ADAMTS20: variants seen among roughly 807,000 people sequenced by gnomAD.
ADAMTS20 encodes A disintegrin and metalloproteinase with thrombospondin motifs 20.
Under a neutral mutation model 260.1 loss-of-function variants are expected in ADAMTS20, and 225 were observed. That is an observed-to-expected ratio of 0.87 (90% CI 0.78 to 0.97). The LOEUF (loss-of-function observed/expected upper bound fraction) is 0.97. ADAMTS20 is among the 50% of genes least tolerant of loss of function. ADAMTS20 has a pLI of 0.00. For missense variants in ADAMTS20, 2,400 were observed against 2,337.7 expected (o/e 1.03, Z -0.55); for synonymous variants, 802 against 769.5 (o/e 1.04, Z -0.70).
intron 2 of ADAMTS20, among the ~76,000 whole-genome samples, chr12:43,534,763 A>C (rs1943271140): frequency 1.3e-5 from 2 of 152,216 alleles, no homozygotes; most frequent in African/African-American, 2.4e-5. Context: ...CTATTGCATA[A>C]TAAAGGAAGA....
intron 14 of ADAMTS20, among the ~76,000 whole-genome samples, chr12:43,448,218 T>C (rs1279692280): frequency 1.3e-5 from 2 of 152,240 alleles, no homozygotes; most frequent in African/African-American, 4.8e-5. Flanking sequence ...GCTGAAGGTG[T>C]CATGCTACCC....
chr12:43,357,175 CTG>C (rs2137178779), intron 37 of ADAMTS20, among the ~76,000 whole-genome samples: 1 of 152,178 alleles, frequency 6.6e-6, no homozygotes, highest in East Asian at 1.9e-4. Flanking sequence ...TAAATATTAA[CTG>C]AGAAAATGTG....
At position 43,370,268 on chromosome 12, in the gene ADAMTS20, C is replaced by G. The variant is rs150919715; in HGVS notation, c.5447-887G>C. On this transcript the variant is annotated intron_variant, in intron 36 of 38. Coordinates refer to ENST00000389420, the MANE Select transcript of ADAMTS20 (RefSeq NM_025003.5). ...ATGGTTTACCAGAGCCAGCTTGTAC[C>G]AAATAGTGAGAGCCAACTCTGTGCA... 3.9e-5 allele frequency among the ~76,000 whole-genome samples: 6 copies of G among 152,302 alleles called. No homozygotes were observed. The East Asian group carries it at 7.7e-4, about 20-fold the overall frequency.
intron 36 of ADAMTS20, among the ~76,000 whole-genome samples, chr12:43,370,406 T>C (rs1940081713): frequency 6.6e-6 from 1 of 152,242 alleles, no homozygotes; most frequent in African/African-American, 2.4e-5. Flanking sequence ...TCAGACTTTT[T>C]CTTCCCTGGA....
rs140832159 is a variant in ADAMTS20, at chr12:43,452,011, C to T, written c.2079+263G>A. ...ATCTTTTTAGGAAGCTGACCTCATT[C>T]CTATTTTGATTATGAGTACAATAGA... On this transcript the variant is annotated intron_variant, in intron 14 of 38. Transcript: ENST00000389420. Among the ~76,000 whole-genome samples, 350 of 152,056 alleles carry T rather than the reference C, an allele frequency of 2.3e-3. 2 individuals are homozygous for T. Among genetic ancestry groups the T allele is most frequent in the African/African-American group, 7.9e-3 (327 of 41,490 alleles).
intron 2 of ADAMTS20, among the ~76,000 whole-genome samples, chr12:43,537,330 C>T (rs1482077351): frequency 6.6e-6 from 1 of 152,008 alleles, no homozygotes; most frequent in Non-Finnish European, 1.5e-5. Context: ...GCTGGGATTA[C>T]AGGCATGAGC....
chr12:43,492,999 C>T (rs1942626634), intron 5 of ADAMTS20, among the ~76,000 whole-genome samples, 171 bp downstream of exon 5: 2 of 152,070 alleles, frequency 1.3e-5, no homozygotes, highest in Admixed American at 1.3e-4. Context: ...ACACTGTTGT[C>T]ATTCTATTTT....
intron 15 of ADAMTS20, among the ~76,000 whole-genome samples, chr12:43,444,186 A>G (rs145572027): frequency 2.6e-5 from 4 of 152,294 alleles, no homozygotes; most frequent in Non-Finnish European, 5.9e-5. Flanking sequence ...TGAGACCCTT[A>G]GTACACATAC....
At chr12:43,415,311 T>C (rs927260250) in intron 28 of ADAMTS20, among the ~76,000 whole-genome samples, 2 of 152,142 alleles carry the variant, frequency 1.3e-5, no homozygotes, top group Admixed American at 1.3e-4. Context: ...AACTGGACCA[T>C]TATGATTTGA....
intron 7 of ADAMTS20, among the ~76,000 whole-genome samples, chr12:43,478,223 T>C (rs1942389204): frequency 6.6e-6 from 1 of 152,072 alleles, no homozygotes; most frequent in Non-Finnish European, 1.5e-5. Flanking sequence ...CTAAGTAGTA[T>C]CTTTTACATT....
chr12:43,375,321 T>C lies in ADAMTS20; in HGVS notation c.5446+58A>G. The C allele has an allele frequency of 1.9e-6, 3 of 1,563,650 alleles. No individual in the cohort carries two copies. In the South Asian group the frequency reaches 3.5e-5, roughly 18 times the overall value. On this transcript the variant is annotated intron_variant, in intron 36 of 38. Transcript: ENST00000389420. ...GCTACAACATATACCAACATATTGTTTGACGTTCATAAGCAAATGGAGGCT... is the reference window on the plus strand; with the variant it reads ...GCTACAACATATACCAACATATTGTCTGACGTTCATAAGCAAATGGAGGCT...
At chr12:43,536,182 C>A (rs1436477432) in intron 2 of ADAMTS20, among the ~76,000 whole-genome samples, 1 of 152,020 alleles carries the variant, frequency 6.6e-6, no homozygotes, top group Non-Finnish European at 1.5e-5. Flanking sequence ...ACAGGTGAGA[C>A]AAATGAGGAA....
chr12:43,547,060 G>A (rs1459062995), intron 2 of ADAMTS20, among the ~76,000 whole-genome samples: 1 of 152,058 alleles, frequency 6.6e-6, no homozygotes, highest in Non-Finnish European at 1.5e-5. Context: ...TAAAAGTGGG[G>A]GAAATTTAAC....
At chr12:43,479,984 A>G (rs1165595673) in intron 7 of ADAMTS20, among the ~76,000 whole-genome samples, 3 of 152,186 alleles carry the variant, frequency 2.0e-5, no homozygotes, top group Non-Finnish European at 4.4e-5. Flanking sequence ...AGAAAGCTTA[A>G]AACAATAAGA....
rs115984962 is a variant in ADAMTS20 at position 43,493,198 on chromosome 12, A to T, written c.923T>A (p.Val308Glu). ...SIGNLIHIVV[V>E]KLVMIHREEE... is the part of the protein sequence containing the mutation. The stretch of plus-strand genomic sequence containing the variant: ...CTCACGGTGAATCATAACTAATTTT[A>T]CCACTACTATGTGTATCAAATTTCC... The change falls in exon 5 of 39, where the codon GTA (valine) becomes GAA (glutamate). Residue 308 changes from valine (V) to glutamate (E), a missense_variant. Coordinates refer to ENST00000389420, the MANE Select transcript of ADAMTS20 (RefSeq NM_025003.5). 6.4e-7 allele frequency: 1 copy of T among 1,563,244 alleles called. No homozygotes were observed. The highest frequency in any genetic ancestry group is 2.3e-5 in the East Asian group (1 of 42,942).
chr12:43,546,888 T>C (rs868504308), intron 2 of ADAMTS20, among the ~76,000 whole-genome samples: 20 of 152,236 alleles, frequency 1.3e-4, no homozygotes, highest in Middle Eastern at 3.4e-3. Flanking sequence ...ATAAAAATTA[T>C]AGAGAAGAAA....
At chr12:43,474,644 A>G (rs1942321049) in intron 7 of ADAMTS20, among the ~76,000 whole-genome samples, 1 of 109,818 alleles carries the variant, frequency 9.1e-6, no homozygotes, top group South Asian at 3.9e-4. Flanking sequence ...ATCCACCATG[A>G]TCAAGTAGGC....
At chr12:43,383,520 A>G (rs189268685) in intron 31 of ADAMTS20, 38 bp downstream of exon 31, 22 of 1,559,054 alleles carry the variant, frequency 1.4e-5, no homozygotes, top group Admixed American at 1.9e-5. Context: ...CTGTTTTATC[A>G]AGGAGCAAAA....
Position 43,360,171 on chromosome 12 carries a change from G to A in ADAMTS20, c.5539-3583C>T, listed in dbSNP as rs138927334. Among the ~76,000 whole-genome samples, 698 of 152,256 alleles carry A rather than the reference G, an allele frequency of 4.6e-3. 6 individuals carry two copies. Among genetic ancestry groups the A allele is most frequent in the African/African-American group, 0.016 (664 of 41,546 alleles). On this transcript the variant is annotated intron_variant, in intron 37 of 38. Coordinates refer to ENST00000389420, the MANE Select transcript of ADAMTS20 (RefSeq NM_025003.5). ...GACTTGAAAACACATATCACCGGCC[G>A]GGCACGGTGGCTCACGCCTGTAATC... is the stretch of plus-strand genomic sequence containing the variant.
Sources: gnomAD v4.1 joint callset for allele counts (sites outside exome capture counted in the v4.1 genomes callset) on GRCh38, gnomAD v4.1.1 for gene constraint, MANE v1.5 for transcripts, NCBI Gene and HGNC (gene_info 2026-07-23, HGNC 2026-07-21) for gene names.